ANKFY1: variants seen among roughly 807,000 people sequenced by gnomAD.
ANKFY1 encodes ankyrin repeat and FYVE domain containing 1, also known as ankyrin repeat and FYVE domain-containing protein 1.
A neutral mutation model predicts 128.3 loss-of-function variants in ANKFY1; 47 were observed. The ratio of observed to expected loss-of-function variants is 0.37; its 90% CI spans 0.29 to 0.47. The LOEUF is 0.47. Ranked by LOEUF, ANKFY1 falls within the 20% of genes least tolerant of loss-of-function variation. The pLI is 1.00. For missense variants in ANKFY1, 1,222 were observed against 1,510.6 expected (o/e 0.81, Z 3.17); for synonymous variants, 553 against 601.6 (o/e 0.92, Z 1.18).
At chr17:4,240,675 C>T (rs1223307891) in intron 2 of ANKFY1, among the ~76,000 whole-genome samples, 1 of 152,176 alleles carries the variant, frequency 6.6e-6, no homozygotes, top group Non-Finnish European at 1.5e-5. Context: ...TACAGGCATG[C>T]GCCACTGCGC....
At chr17:4,216,268 C>CATTA (rs2060219722) in intron 4 of ANKFY1, among the ~76,000 whole-genome samples, 1 of 152,068 alleles carries the variant, frequency 6.6e-6, no homozygotes, top group Admixed American at 6.6e-5. Context: ...GGAGAAAAGC[C>CATTA]ATTACTTTAT....
chr17:4,256,578 G>C (rs1968142264), intron 1 of ANKFY1, among the ~76,000 whole-genome samples: 1 of 152,118 alleles, frequency 6.6e-6, no homozygotes, highest in Admixed American at 6.6e-5. Flanking sequence ...ATCTTGGGGG[G>C]AGTCGGAGAT....
chr17:4,235,975 G>A, intron 2 of ANKFY1, 85 bp from the exon 3 acceptor site: 2 of 941,872 alleles, frequency 2.1e-6, no homozygotes, highest in Non-Finnish European at 3.4e-6. Flanking sequence ...AAACACATGA[G>A]TATTCATCAA....
At chr17:4,168,665 G>A (rs2059257619) in intron 24 of ANKFY1, 1 of 152,140 alleles carries the variant, frequency 6.6e-6, no homozygotes, top group Admixed American at 6.5e-5. Flanking sequence ...ACAGGGTTTT[G>A]ACGACCCCCA....
intron 6 of ANKFY1, 67 bp downstream of exon 6, chr17:4,207,866 T>C (rs1598077191): frequency 3.4e-6 from 5 of 1,461,604 alleles, no homozygotes; most frequent in Non-Finnish European, 4.6e-6. Flanking sequence ...AAGTGAGAAG[T>C]ACCACGGAGA....
At chr17:4,235,210 G>A (rs1380579603) in intron 3 of ANKFY1, among the ~76,000 whole-genome samples, 1 of 151,896 alleles carries the variant, frequency 6.6e-6, no homozygotes, top group African/African-American at 2.4e-5. Context: ...GGGTGTGGTG[G>A]TGGGTGCCTG....
chr17:4,183,497 G>A lies in ANKFY1; in HGVS notation c.1853C>T (p.Thr618Ile), dbSNP rs781312308. The A allele has an allele frequency of 2.5e-6, 4 of 1,613,288 alleles. No individual in the cohort carries two copies. Among genetic ancestry groups the A allele is most frequent in the Non-Finnish European group, 3.4e-6 (4 of 1,180,022 alleles). The stretch of plus-strand genomic sequence containing the variant: ...CAGTAGCGTCTGCCCATCCGACATG[G>A]TGTCATTGATGGCGGCTCCAGAGCC... The part of the protein sequence containing the change: ...LLGSGAAIND[T>I]MSDGQTLLHM... The change falls in exon 14 of 25, where the codon ACC becomes ATC. Residue 618 changes from threonine (T) to isoleucine (I), a missense_variant. Thr to Ile is a moderately conservative substitution (Grantham distance 89). Transcript: ENST00000341657.
chr17:4,177,165 G>A lies in ANKFY1; in HGVS notation c.2736C>T (p.Leu912=), dbSNP rs1441968401. ...QDASKLTPLH[L]AVQAGSEIIV... Reference sequence around the variant, plus strand: ...TAATTTCTGAGCCTGCTTGGACAGCGAGGTGCAGGGGGGTCAACTTGGAGG... The same window carrying A: ...TAATTTCTGAGCCTGCTTGGACAGCAAGGTGCAGGGGGGTCAACTTGGAGG... The change falls in exon 19 of 25, where the codon CTC becomes CTT. Residue 912 remains leucine (L), a synonymous_variant. Coordinates refer to ENST00000341657, the MANE Select transcript of ANKFY1 (RefSeq NM_001330063.2). 6.3e-7 allele frequency: 1 copy of A among 1,599,910 alleles called. No individual in the cohort carries two copies. Among genetic ancestry groups the A allele is most frequent in the East Asian group, 2.3e-5 (1 of 44,384 alleles).
In ANKFY1 at chr17:4,195,028, G is replaced by C. The variant is rs765578166; in HGVS notation, c.1322C>G (p.Ala441Gly). ...GTGGCTGCCGCGCTGGATGAGTCTG[G>C]CTGCAAAGCTGTTCTCATCAAATGA... ...GTSFDENSFAARLIQRGSHTD... is the reference protein window; with the variant it reads ...GTSFDENSFAGRLIQRGSHTD... The change falls in exon 10 of 25, where the codon GCC (alanine) becomes GGC (glycine). Residue 441 changes from alanine to glycine, a missense_variant. Coordinates refer to ENST00000341657, the MANE Select transcript of ANKFY1 (RefSeq NM_001330063.2). 6.2e-7 allele frequency: 1 copy of C among 1,614,154 alleles called. No individual in the cohort carries two copies. Among genetic ancestry groups the C allele is most frequent in the Non-Finnish European group, 8.5e-7 (1 of 1,180,038 alleles).
At chr17:4,262,048 G>C (rs191683327) in intron 1 of ANKFY1, among the ~76,000 whole-genome samples, 1 of 152,210 alleles carries the variant, frequency 6.6e-6, no homozygotes, top group African/African-American at 2.4e-5. Flanking sequence ...GGTGCCTGCC[G>C]GGCGCGATGG....
At chr17:4,223,241 C>A in intron 3 of ANKFY1, 1 of 810,120 alleles carries the variant, frequency 1.2e-6, no homozygotes, top group South Asian at 1.4e-5. Context: ...ACGAGAAAAG[C>A]CCATGGTGAC....
chr17:4,232,627 G>A (rs1424356327), intron 3 of ANKFY1, among the ~76,000 whole-genome samples: 3 of 152,172 alleles, frequency 2.0e-5, no homozygotes, highest in African/African-American at 2.4e-5. Context: ...CTGGAGGAGA[G>A]TCTAGAGACA....
intron 1 of ANKFY1, among the ~76,000 whole-genome samples, chr17:4,244,244 C>A (rs1483743293): frequency 6.6e-6 from 1 of 152,110 alleles, no homozygotes; most frequent in East Asian, 1.9e-4. Context: ...AGTCAAATAA[C>A]TTTTGTTATA....
intron 3 of ANKFY1, among the ~76,000 whole-genome samples, chr17:4,224,668 G>C (rs1257121608): frequency 2.2e-5 from 3 of 138,510 alleles, no homozygotes; most frequent in Non-Finnish European, 4.9e-5. Context: ...CTGTTTGTTT[G>C]TTTTTTTTTA....
At chr17:4,216,002 T>A (rs2060215072) in intron 4 of ANKFY1, among the ~76,000 whole-genome samples, 1 of 152,374 alleles carries the variant, frequency 6.6e-6, no homozygotes, top group African/African-American at 2.4e-5. Flanking sequence ...TAATGCTGTA[T>A]GCACCTATAG....
chr17:4,234,203 T>C (rs1249055045), intron 3 of ANKFY1, among the ~76,000 whole-genome samples: 1 of 152,170 alleles, frequency 6.6e-6, no homozygotes, highest in Non-Finnish European at 1.5e-5. Context: ...TTTGTGTAAC[T>C]ATACTCTATG....
chr17:4,221,040 G>A (rs1040445292), intron 3 of ANKFY1, among the ~76,000 whole-genome samples: 2 of 152,212 alleles, frequency 1.3e-5, no homozygotes, highest in Admixed American at 1.3e-4. Context: ...TTCACTGCAG[G>A]CCAGGATGCA....
rs764838537 is a variant in ANKFY1 at position 4,169,355 on chromosome 17, G to C, written c.3287-67C>G. Reference sequence around the variant, plus strand: ...GGCGCCACGCAAGCCCCAGGGCTTGGAGGCAGCAGGAACACAGACCCGTAA... The same window carrying C: ...GGCGCCACGCAAGCCCCAGGGCTTGCAGGCAGCAGGAACACAGACCCGTAA... On this transcript the variant is annotated intron_variant, in intron 23 of 24. Coordinates refer to ENST00000341657, the MANE Select transcript of ANKFY1 (RefSeq NM_001330063.2). The surrounding 1 kb of genome is among the most constrained non-coding windows in gnomAD (Gnocchi z 5.0). The C allele has an allele frequency of 1.4e-4, 168 of 1,230,984 alleles. No individual in the cohort carries two copies. The highest frequency in any genetic ancestry group is 1.9e-4 in the Non-Finnish European group (165 of 862,074). The allele number at this position is 1,230,984 out of a possible 1,614,324, so 76.3% of individuals were successfully genotyped here. A position where few individuals can be genotyped will look rare whatever the true frequency, so the allele number is the denominator to read the frequency against.
In ANKFY1 at chr17:4,173,881, A is replaced by C. The variant is rs549917721; in HGVS notation, c.2923+28T>G. 4.8e-5 allele frequency: 77 copies of C among 1,604,250 alleles called. No individual in the cohort carries two copies. In the South Asian group the frequency reaches 7.2e-4, roughly 15 times the overall value. ...CACCCCTAGAATGGAGGGATCGTTC[A>C]AGCCACTAAAGAATGACTGGGAGTT... On this transcript the variant is annotated intron_variant, in intron 20 of 24. Transcript: ENST00000341657.
Sources: allele counts gnomAD v4.1 joint callset (sites outside exome capture counted in the v4.1 genomes callset), GRCh38; gene constraint gnomAD v4.1.1; non-coding constraint Gnocchi (gnomAD v3.1); transcripts MANE v1.5; gene names NCBI Gene and HGNC (gene_info 2026-07-23, HGNC 2026-07-21).